The following CHD7 variants were observed in gnomAD, a reference collection of about 807,000 sequenced individuals.
CHD7 encodes the protein chromodomain helicase DNA binding protein 7.
In CHD7, 24 loss-of-function variants were observed where a neutral mutation model predicts 307.3. The observed-to-expected ratio is 0.08, with a 90% confidence interval of 0.06 to 0.11. The LOEUF (loss-of-function observed/expected upper bound fraction) is 0.11, where lower values mean the gene tolerates loss of function less well. Among genes scored for constraint, CHD7 ranks in the 10% least tolerant of loss-of-function variants. CHD7 has a pLI of 1.00. For synonymous variants in CHD7, 1,363 were observed against 1,349.9 expected (o/e 1.01, Z -0.21); for missense variants, 3,106 against 3,727.1 (o/e 0.83, Z 4.34).
intron 19 of CHD7, among the ~76,000 whole-genome samples, chr8:60,839,282 T>C (rs577982014): frequency 3.0e-4 from 45 of 152,388 alleles, no homozygotes; most frequent in Non-Finnish European, 5.1e-4. Context: ...TTCACTCCTT[T>C]TTATTGCTGA....
intron 35 of CHD7, 197 bp from the exon 36 acceptor site, chr8:60,861,999 A>G: frequency 2.3e-6 from 1 of 434,524 alleles, no homozygotes; most frequent in Non-Finnish European, 4.0e-6. Flanking sequence ...ATTCTCACTT[A>G]TGTATTCCTT....
intron 34 of CHD7, among the ~76,000 whole-genome samples, chr8:60,858,255 C>CA (rs1265849622): frequency 6.6e-6 from 1 of 151,744 alleles, no homozygotes; most frequent in Non-Finnish European, 1.5e-5. Context: ...GACTCTGTCT[C>CA]AAAAAAATAA....
chr8:60,681,730 C>T lies in CHD7; in HGVS notation c.-175+2648C>T, dbSNP rs193282219. Among the ~76,000 whole-genome samples, 107 of 152,278 alleles carry T rather than the reference C, an allele frequency of 7.0e-4. 1 individual carries two copies. The East Asian group carries it at 0.02, about 28-fold the overall frequency. On this transcript the variant is annotated intron_variant, in intron 1 of 37. Transcript: ENST00000423902. ...CAGGCTTGTAACAGGTGAATTTCCTCATGCTGGTACTCAAGAATTGGGATT... is the reference window on the plus strand; with the variant it reads ...CAGGCTTGTAACAGGTGAATTTCCTTATGCTGGTACTCAAGAATTGGGATT...
chr8:60,832,830 G>C (rs868190014), intron 15 of CHD7, among the ~76,000 whole-genome samples: 1 of 152,166 alleles, frequency 6.6e-6, no homozygotes, highest in Non-Finnish European at 1.5e-5. Flanking sequence ...ATCCTGTATA[G>C]CATATTTGTT....
intron 1 of CHD7, among the ~76,000 whole-genome samples, chr8:60,698,306 G>A (rs1806588017): frequency 6.6e-6 from 1 of 152,186 alleles, no homozygotes; most frequent in Non-Finnish European, 1.5e-5. Flanking sequence ...GAGGATTTTT[G>A]CGTCAGTTAG....
In CHD7 at chr8:60,853,119, G is replaced by A; in HGVS notation, c.6394G>A (p.Ala2132Thr). The part of the protein sequence containing the change: ...LSFLDAHKNF[A>T]QNRGAGNTSS... ...CTTCTTGGATGCACATAAAAACTTT[G>A]CTCAAAACAGAGGGGCAGGTAATAC... is the stretch of plus-strand genomic sequence containing the variant. Residue 2132 changes from alanine (A) to threonine (T), a missense_variant, in exon 31 of 38, where the codon GCT (alanine) becomes ACT (threonine). Transcript: ENST00000423902. The A allele has an allele frequency of 6.2e-7, 1 of 1,613,894 alleles. No homozygotes were observed. Among genetic ancestry groups the A allele is most frequent in the Non-Finnish European group, 8.5e-7 (1 of 1,179,872 alleles).
At chr8:60,768,755 C>T (rs1420430333) in intron 2 of CHD7, among the ~76,000 whole-genome samples, 3 of 152,032 alleles carry the variant, frequency 2.0e-5, no homozygotes, top group Admixed American at 6.6e-5. Flanking sequence ...CAGTACTGGA[C>T]TAGATATCAG....
rs1806220735 is a variant in CHD7 at position 60,865,819 on chromosome 8, G to C, written c.8880G>C (p.Glu2960Asp). Residue 2960 changes from glutamate to aspartate, a missense_variant, in exon 38 of 38, where the codon GAG becomes GAC. Glu to Asp is a conservative substitution (Grantham distance 45, BLOSUM62 2). Transcript: ENST00000423902. The surrounding 1 kb of genome is among the most constrained non-coding windows in gnomAD (Gnocchi z 4.3). ...CCCTTGAAGGCAGCGATGCCGAGGA[G>C]AGCCTGGATAAGACTGCAGAGTCCT... ...GETLEGSDAE[E>D]SLDKTAESSL... 1.9e-6 allele frequency: 3 copies of C among 1,613,950 alleles called. No homozygotes were observed. The highest frequency in any genetic ancestry group is 3.3e-5 in the Admixed American group (2 of 60,010).
intron 21 of CHD7, 62 bp downstream of exon 21, chr8:60,842,114 G>T (rs1430061214): frequency 7.4e-6 from 10 of 1,355,278 alleles, no homozygotes; most frequent in Non-Finnish European, 1.0e-5. Context: ...ATTCCCAACT[G>T]GTAGAGAAAA....
intron 2 of CHD7, among the ~76,000 whole-genome samples, chr8:60,770,030 A>C (rs1810638121): frequency 6.6e-6 from 1 of 152,228 alleles, no homozygotes; most frequent in South Asian, 2.1e-4. Flanking sequence ...CATTATTCAT[A>C]TTGTGCTATG....
At chr8:60,786,442 T>A (rs1811495252) in intron 3 of CHD7, among the ~76,000 whole-genome samples, 1 of 152,230 alleles carries the variant, frequency 6.6e-6, no homozygotes, top group Non-Finnish European at 1.5e-5. Context: ...ACACTGGGCC[T>A]GCTGGAAATT....
chr8:60,751,225 T>C (rs534369556), intron 2 of CHD7, among the ~76,000 whole-genome samples: 2 of 152,344 alleles, frequency 1.3e-5, no homozygotes, highest in African/African-American at 4.8e-5. Context: ...CTAATACAAT[T>C]GCTTGTTTCT....
Position 60,865,678 on chromosome 8 carries a change from G to T in CHD7, c.8739G>T (p.Leu2913=), listed in dbSNP as rs746128427. The change falls in exon 38 of 38, where the codon CTG becomes CTT. Residue 2913 remains leucine (L), a synonymous_variant. Transcript: ENST00000423902. This position sits in a 1 kb window ranked among gnomAD's most constrained non-coding sequence, Gnocchi z 4.3. ...CATCCATGTTTCTACCTCCAGGACT[G>T]GGGGGATTGACGCTGCCTGGGTTCC... The part of the protein sequence containing the change: ...FYPSMFLPPG[L]GGLTLPGFPA... 2.5e-6 allele frequency: 4 copies of T among 1,606,274 alleles called. No individual in the cohort carries two copies. Among genetic ancestry groups the T allele is most frequent in the East Asian group, 4.5e-5 (2 of 44,764 alleles).
At chr8:60,845,170 C>A in intron 22 of CHD7, 80 bp from the exon 23 acceptor site, 1 of 1,570,430 alleles carries the variant, frequency 6.4e-7, no homozygotes, top group Non-Finnish European at 8.7e-7. Flanking sequence ...ATTTCCCTGC[C>A]TCGTGCATTA....
chr8:60,829,310 A>C (rs1419345002), intron 14 of CHD7, among the ~76,000 whole-genome samples: 1 of 152,232 alleles, frequency 6.6e-6, no homozygotes, highest in Non-Finnish European at 1.5e-5. Context: ...GTGTATAAAA[A>C]GTGCTTGGGC....
At position 60,824,027 on chromosome 8, in the gene CHD7, A is replaced by G. The variant is rs895076579; in HGVS notation, c.3378+11A>G. The G allele has an allele frequency of 6.2e-7, 1 of 1,608,852 alleles. No individual in the cohort carries two copies. The highest frequency in any genetic ancestry group is 1.1e-5 in the South Asian group (1 of 90,714). ...AAGATGATGGACTTGGTCAGTGACC[A>G]TATTGGTGATTGCACTGAACCTGAA... On this transcript the variant is annotated intron_variant, in intron 13 of 37. Transcript: ENST00000423902.
chr8:60,761,340 T>G (rs1326865224), intron 2 of CHD7, among the ~76,000 whole-genome samples: 1 of 93,908 alleles, frequency 1.1e-5, no homozygotes, highest in African/African-American at 4.4e-5. Context: ...TGGGGACTGT[T>G]GTGGGGTGGG....
At chr8:60,747,707 C>A (rs73684559) in intron 2 of CHD7, among the ~76,000 whole-genome samples, 132 of 152,294 alleles carry the variant, frequency 8.7e-4, no homozygotes, top group African/African-American at 2.7e-3. Flanking sequence ...AACCCTGGCC[C>A]ACAATTTTAG....
chr8:60,821,660 A>G (rs1418476210), intron 9 of CHD7, 130 bp from the exon 10 acceptor site: 3 of 660,128 alleles, frequency 4.5e-6, no homozygotes, highest in Non-Finnish European at 7.1e-6. Context: ...ATACACATAC[A>G]TATATATGTA....
Sources: gnomAD v4.1 joint callset for allele counts (sites outside exome capture counted in the v4.1 genomes callset) on GRCh38, gnomAD v4.1.1 for gene constraint, Gnocchi (gnomAD v3.1) non-coding constraint, MANE v1.5 for transcripts, NCBI Gene and HGNC (gene_info 2026-07-23, HGNC 2026-07-21) for gene names.